DOCK4: variants seen among roughly 807,000 people sequenced by gnomAD.
DOCK4 encodes dedicator of cytokinesis protein 4.
A neutral mutation model predicts 268.1 loss-of-function variants in DOCK4; 97 were observed. That is an observed-to-expected ratio of 0.36 (90% CI 0.31 to 0.43). The LOEUF is 0.43. Ranked by LOEUF, DOCK4 falls within the 20% of genes least tolerant of loss-of-function variation. DOCK4 has a pLI of 1.00. For synonymous variants in DOCK4, 954 were observed against 887.2 expected (o/e 1.08, Z -1.34); for missense variants, 2,145 against 2,455.7 (o/e 0.87, Z 2.67).
intron 1 of DOCK4, among the ~76,000 whole-genome samples, chr7:112,142,756 T>C (rs1815058000): frequency 6.6e-6 from 1 of 152,146 alleles, no homozygotes; most frequent in Non-Finnish European, 1.5e-5. Context: ...GTTTTTACAC[T>C]GCTACTTCAC....
chr7:111,804,630 C>T (rs184000869), intron 30 of DOCK4, among the ~76,000 whole-genome samples: 6 of 151,786 alleles, frequency 4.0e-5, no homozygotes, highest in East Asian at 1.9e-4. Flanking sequence ...GACAGAGTCT[C>T]GCTCTGTCCC....
rs545880847 is a variant in DOCK4 at position 112,190,966 on chromosome 7, G to A, written c.37+15136C>T. 2.4e-4 allele frequency among the ~76,000 whole-genome samples: 36 copies of A among 152,340 alleles called. No homozygotes were observed. The East Asian group carries it at 6.6e-3, about 28-fold the overall frequency. ...AGCAGAGCAAGGGCTTCCAGTATCA[G>A]AACCACAAGCCTCAGAGCTCAGGGT... On this transcript the variant is annotated intron_variant, in intron 1 of 52. Transcript: ENST00000428084.
At chr7:111,943,913 C>A (rs1367200814) in intron 10 of DOCK4, among the ~76,000 whole-genome samples, 2 of 152,156 alleles carry the variant, frequency 1.3e-5, no homozygotes, top group South Asian at 2.1e-4. Context: ...AAATAAATCA[C>A]CTTGCAGGAC....
At chr7:111,865,821 C>T (rs765590160) in intron 22 of DOCK4, among the ~76,000 whole-genome samples, 20 of 152,210 alleles carry the variant, frequency 1.3e-4, no homozygotes, top group Admixed American at 2.6e-4. Context: ...GAAGGAGCAG[C>T]CATGTGCCAA....
At chr7:111,741,429 T>C (rs938374015) in intron 46 of DOCK4, 111 bp downstream of exon 46, 6 of 1,488,210 alleles carry the variant, frequency 4.0e-6, no homozygotes, top group Non-Finnish European at 5.4e-6. Context: ...GGTTAGTTAT[T>C]TCATTAAGAA....
chr7:111,808,662 C>G (rs561386346), intron 30 of DOCK4, 159 bp downstream of exon 30: 166 of 659,766 alleles, frequency 2.5e-4, no homozygotes, highest in African/African-American at 1.3e-3. Context: ...GTTGTAACCT[C>G]ATTCAATGCC....
intron 7 of DOCK4, among the ~76,000 whole-genome samples, chr7:111,979,162 TAACAC>T (rs1004396101): frequency 4.6e-5 from 7 of 152,208 alleles, no homozygotes; most frequent in African/African-American, 1.7e-4. Context: ...TTACAAGTGT[TAACAC>T]AACATAGAAT....
chr7:111,844,762 C>G lies in DOCK4; in HGVS notation c.2736+1G>C, dbSNP rs751796355. 6.2e-7 allele frequency: 1 copy of G among 1,612,574 alleles called. No homozygotes were observed. On this transcript the variant is annotated splice_donor_variant, in intron 25 of 52. Transcript: ENST00000428084. LOFTEE classifies it high-confidence loss of function. ...ACGTGCCATCTGCTCTATGATCTTACAGTGACATCCTGGAACTGGAACCGC... is the reference window on the plus strand; with the variant it reads ...ACGTGCCATCTGCTCTATGATCTTAGAGTGACATCCTGGAACTGGAACCGC...
chr7:112,112,078 G>A (rs1389101471), intron 1 of DOCK4, among the ~76,000 whole-genome samples: 2 of 152,146 alleles, frequency 1.3e-5, no homozygotes, highest in Admixed American at 6.5e-5. Context: ...CCCATGAGAG[G>A]TGATATGATT....
At chr7:111,749,829 G>A (rs1796511230) in intron 42 of DOCK4, among the ~76,000 whole-genome samples, 1 of 152,186 alleles carries the variant, frequency 6.6e-6, no homozygotes, top group South Asian at 2.1e-4. Context: ...AACACTTAGT[G>A]TTGGAGAAGA....
chr7:111,987,955 A>G (rs988379176), intron 6 of DOCK4, among the ~76,000 whole-genome samples: 2 of 152,224 alleles, frequency 1.3e-5, no homozygotes, highest in Non-Finnish European at 2.9e-5. Context: ...ATGGAGGTTT[A>G]AAAATCTGTT....
At chr7:111,803,503 A>G (rs532309659) in intron 30 of DOCK4, among the ~76,000 whole-genome samples, 1 of 152,308 alleles carries the variant, frequency 6.6e-6, no homozygotes, top group South Asian at 2.1e-4. Flanking sequence ...ACAGCCTGCT[A>G]GGGAAGTATT....
At chr7:112,158,916 G>A (rs143180135) in intron 1 of DOCK4, among the ~76,000 whole-genome samples, 3 of 152,102 alleles carry the variant, frequency 2.0e-5, no homozygotes, top group Admixed American at 6.5e-5. Flanking sequence ...AGGTTTACAC[G>A]GCAGGTAAAG....
At chr7:112,007,612 T>C (rs1396697708) in intron 1 of DOCK4, among the ~76,000 whole-genome samples, 1 of 152,144 alleles carries the variant, frequency 6.6e-6, no homozygotes, top group Non-Finnish European at 1.5e-5. Context: ...GAAAAATGTT[T>C]AGGCTTCAGG....
intron 44 of DOCK4, among the ~76,000 whole-genome samples, chr7:111,745,740 G>A (rs563721486): frequency 3.7e-4 from 53 of 143,854 alleles, no homozygotes; most frequent in Non-Finnish European, 7.5e-4. Context: ...CAAGTCTCTA[G>A]GAAGAGAACA....
chr7:111,750,738 A>G (rs1796581587), intron 42 of DOCK4, among the ~76,000 whole-genome samples: 1 of 152,206 alleles, frequency 6.6e-6, no homozygotes, highest in Non-Finnish European at 1.5e-5. Context: ...GTGTTAGCTC[A>G]GTAACAAACA....
At chr7:112,183,602 T>C (rs761705362) in intron 1 of DOCK4, among the ~76,000 whole-genome samples, 6 of 152,208 alleles carry the variant, frequency 3.9e-5, no homozygotes, top group Non-Finnish European at 8.8e-5. Context: ...CTGATGGTCA[T>C]GTAGCATACC....
Position 111,790,500 on chromosome 7 carries a change from T to C in DOCK4, c.3272A>G (p.Asp1091Gly), listed in dbSNP as rs1269864217. 6.2e-7 allele frequency: 1 copy of C among 1,613,898 alleles called. No homozygotes were observed. The highest frequency in any genetic ancestry group is 1.7e-5 in the Admixed American group (1 of 60,020). Residue 1091 changes from aspartate to glycine, a missense_variant, in exon 31 of 53, where the codon GAT becomes GGT. Coordinates refer to ENST00000428084, the MANE Select transcript of DOCK4 (RefSeq NM_001363540.2). ...LRNVMIPIFH[D>G]MMDWEQRRSG... ...CCGCCTCTGCTCCCAGTCCATCATA[T>C]CATGAAAAATTGGAATCATGACATT...
In DOCK4 at chr7:111,727,635, G is replaced by A. The variant is rs1794731868; in HGVS notation, c.*639C>T. 1 of 152,456 alleles carries A rather than the reference G, an allele frequency of 6.6e-6. No individual in the cohort carries two copies. Among genetic ancestry groups the A allele is most frequent in the Non-Finnish European group, 1.5e-5 (1 of 68,032 alleles). 9.4% of individuals were successfully genotyped at this position (152,456 alleles called of 1,614,324 possible). On this transcript the variant is annotated 3_prime_UTR_variant, in exon 53 of 53. Coordinates refer to ENST00000428084, the MANE Select transcript of DOCK4 (RefSeq NM_001363540.2). ...GATACCACGGTGTCAGGGTAGTAAG[G>A]GATTTAGCTACCAATTCACAAAATA...
Sources: gnomAD v4.1 joint callset for allele counts (sites outside exome capture counted in the v4.1 genomes callset) on GRCh38, gnomAD v4.1.1 for gene constraint, MANE v1.5 for transcripts, NCBI Gene and HGNC (gene_info 2026-07-23, HGNC 2026-07-21) for gene names.